The following CPT1A variants were observed in gnomAD, a reference collection of about 807,000 sequenced individuals.
CPT1A encodes carnitine palmitoyltransferase 1A, also known as carnitine O-palmitoyltransferase 1, liver isoform.
A neutral mutation model predicts 100.8 loss-of-function variants in CPT1A; 64 were observed. The ratio of observed to expected loss-of-function variants is 0.63; its 90% CI spans 0.52 to 0.78. The LOEUF (loss-of-function observed/expected upper bound fraction) is 0.78, where lower values mean the gene tolerates loss of function less well. Among genes scored for constraint, CPT1A ranks in the 30% least tolerant of loss-of-function variants. CPT1A has a pLI of 0.00. For synonymous variants in CPT1A, 363 were observed against 396.0 expected, an observed-to-expected ratio of 0.92 and a Z score of 0.99; for missense variants, 802 against 1,034.1, an observed-to-expected ratio of 0.78 and a Z score of 3.08.
At chr11:68,810,003 C>G (rs1428417828) in intron 3 of CPT1A, among the ~76,000 whole-genome samples, 1 of 152,174 alleles carries the variant, frequency 6.6e-6, no homozygotes, top group Admixed American at 6.5e-5. Flanking sequence ...CACGGCGAAA[C>G]CCCATCTCTA....
intron 11 of CPT1A, among the ~76,000 whole-genome samples, chr11:68,781,034 C>T (rs936405920): frequency 6.6e-5 from 10 of 152,302 alleles, no homozygotes; most frequent in South Asian, 2.1e-4. Flanking sequence ...AGGCTCTTCC[C>T]GTGGGCACAT....
At chr11:68,768,064 G>GTTTTT (rs1566344951) in intron 14 of CPT1A, among the ~76,000 whole-genome samples, 2 of 65,886 alleles carry the variant, frequency 3.0e-5, no homozygotes, top group Non-Finnish European at 5.2e-5. Flanking sequence ...CTAGTTTCCA[G>GTTTTT]TCTTTTTTTT....
At chr11:68,774,794 A>AAAAAAAG (rs1855100117) in intron 13 of CPT1A, among the ~76,000 whole-genome samples, 1 of 151,232 alleles carries the variant, frequency 6.6e-6, no homozygotes, top group Non-Finnish European at 1.5e-5. Flanking sequence ...AAAAAAAAAA[A>AAAAAAAG]AAAAAGAAAA....
intron 1 of CPT1A, among the ~76,000 whole-genome samples, chr11:68,817,952 G>T (rs936711555): frequency 6.6e-6 from 1 of 152,092 alleles, no homozygotes; most frequent in Non-Finnish European, 1.5e-5. Context: ...GGAGAGGAAG[G>T]CAGAGGCAGC....
chr11:68,811,636 T>C (rs1355473377), intron 3 of CPT1A, among the ~76,000 whole-genome samples: 4 of 152,166 alleles, frequency 2.6e-5, no homozygotes, highest in Non-Finnish European at 4.4e-5. Flanking sequence ...CCCCGCTCCC[T>C]CTTCCTGTGA....
At chr11:68,793,578 T>C (rs1305520699) in intron 8 of CPT1A, among the ~76,000 whole-genome samples, 176 bp from the exon 9 acceptor site, 1 of 151,838 alleles carries the variant, frequency 6.6e-6, no homozygotes, top group Non-Finnish European at 1.5e-5. Flanking sequence ...ACCCCGTCTC[T>C]ACTAAAAATA....
intron 1 of CPT1A, among the ~76,000 whole-genome samples, chr11:68,836,064 A>G (rs1289793521): frequency 1.3e-5 from 2 of 152,106 alleles, no homozygotes; most frequent in Non-Finnish European, 2.9e-5. Context: ...CCAAATCTCA[A>G]TGCCAGCATT....
At chr11:68,830,028 G>T (rs1856839767) in intron 1 of CPT1A, among the ~76,000 whole-genome samples, 1 of 152,168 alleles carries the variant, frequency 6.6e-6, no homozygotes, top group Non-Finnish European at 1.5e-5. Flanking sequence ...TGAAATCCCA[G>T]CACTTTGGGA....
chr11:68,835,215 C>T (rs763877076), intron 1 of CPT1A, among the ~76,000 whole-genome samples: 3 of 152,210 alleles, frequency 2.0e-5, no homozygotes, highest in Non-Finnish European at 2.9e-5. Context: ...ACAGCTGCTA[C>T]TTCTTTCCCA....
intron 1 of CPT1A, among the ~76,000 whole-genome samples, chr11:68,828,458 C>A (rs1208031622): frequency 6.6e-6 from 1 of 152,184 alleles, no homozygotes; most frequent in Non-Finnish European, 1.5e-5. Flanking sequence ...GCGTCTTCCC[C>A]TCCCCAGCAC....
At position 68,796,752 on chromosome 11, in the gene CPT1A, G is replaced by C. The variant is rs577759855; in HGVS notation, c.771+104C>G. On this transcript the variant is annotated intron_variant, in intron 7 of 18. Coordinates refer to ENST00000265641, the MANE Select transcript of CPT1A (RefSeq NM_001876.4). ...AGAGAGGAGCATGAGCCAATCCCCA[G>C]AGTTTTCCCAGGCCGTCCACAGGCC... The C allele has an allele frequency of 9.9e-6, 11 of 1,113,956 alleles. No homozygotes were observed. The Admixed American group carries it at 1.4e-4, about 14-fold the overall frequency. The allele number at this position is 1,113,956 out of a possible 1,614,324, so 69.0% of individuals were successfully genotyped here. A position where few individuals can be genotyped will look rare whatever the true frequency, so the allele number is the denominator to read the frequency against.
At chr11:68,816,170 G>T (rs1856382810) in intron 1 of CPT1A, among the ~76,000 whole-genome samples, 1 of 152,202 alleles carries the variant, frequency 6.6e-6, no homozygotes, top group African/African-American at 2.4e-5. Flanking sequence ...GTCCACGCAG[G>T]AGTCCACGAA....
intron 4 of CPT1A, among the ~76,000 whole-genome samples, chr11:68,806,617 G>A (rs1376894408): frequency 7.2e-6 from 1 of 138,916 alleles, no homozygotes; most frequent in Non-Finnish European, 1.5e-5. Flanking sequence ...AATGGAACAA[G>A]ACCCTGTCTC....
intron 12 of CPT1A, among the ~76,000 whole-genome samples, chr11:68,779,044 A>G (rs1022829461): frequency 2.6e-5 from 4 of 152,042 alleles, no homozygotes; most frequent in Non-Finnish European, 4.4e-5. Flanking sequence ...TCGGCCTCCC[A>G]AAGGGCTGGG....
chr11:68,806,633 GAAA>G (rs775579381), intron 4 of CPT1A, among the ~76,000 whole-genome samples: 6,803 of 92,504 alleles, frequency 0.074, 542 homozygotes, highest in African/African-American at 0.19. Context: ...GTCTCAAAAA[GAAA>G]AAAAAAAAAA....
At chr11:68,773,486 C>T (rs1855053241) in intron 13 of CPT1A, 57 bp from the exon 14 acceptor site, 1 of 1,612,078 alleles carries the variant, frequency 6.2e-7, no homozygotes, top group African/African-American at 1.3e-5. Flanking sequence ...TACTGACGCA[C>T]ACCCAGAAGG....
chr11:68,815,648 AC>A, intron 1 of CPT1A, 161 bp from the exon 2 acceptor site: 2 of 703,780 alleles, frequency 2.8e-6, no homozygotes, highest in Non-Finnish European at 2.4e-6. Context: ...CACAGCTGGC[AC>A]CCCCTTGCCT....
In CPT1A at chr11:68,837,199, A is replaced by C. The variant is rs185404036; in HGVS notation, c.-14+4576T>G. On this transcript the variant is annotated intron_variant, in intron 1 of 18. Transcript: ENST00000265641. Reference sequence around the variant, plus strand: ...CGAGTAGCTGGGATTACAGGCGTGCATCACCATGCCCAGCTACCTTTTTGT... The same window carrying C: ...CGAGTAGCTGGGATTACAGGCGTGCCTCACCATGCCCAGCTACCTTTTTGT... Among the ~76,000 whole-genome samples the C allele has an allele frequency of 4.5e-3, 682 of 152,152 alleles. 8 individuals carry two copies. The highest frequency in any genetic ancestry group is 0.016 in the African/African-American group (655 of 41,510).
intron 1 of CPT1A, among the ~76,000 whole-genome samples, chr11:68,817,626 ATGGGGTCAAGGGCAGGAAGC>A (rs1004846856): frequency 6.7e-6 from 1 of 149,468 alleles, no homozygotes; most frequent in Non-Finnish European, 1.5e-5. Context: ...GGGCAGGAGG[ATGGGGTCAAGGGCAGGAAGC>A]TGGGGTCAAG....
Sources: allele counts gnomAD v4.1 joint callset (sites outside exome capture counted in the v4.1 genomes callset), GRCh38; gene constraint gnomAD v4.1.1; transcripts MANE v1.5; gene names NCBI Gene and HGNC (gene_info 2026-07-23, HGNC 2026-07-21).